METTL4: variants seen among roughly 807,000 people sequenced by gnomAD.
METTL4 encodes the protein N(6)-adenine-specific methyltransferase METTL4.
In METTL4, 40 loss-of-function variants were observed where a neutral mutation model predicts 54.0. The observed-to-expected ratio is 0.74, with a 90% CI of 0.58 to 0.96. The LOEUF is 0.96. METTL4 is among the 50% of genes least tolerant of loss of function. The pLI, the probability that METTL4 is intolerant of heterozygous loss-of-function variation, is 0.00. For missense variants in METTL4, 525 were observed against 549.0 expected (o/e 0.96, Z 0.44); for synonymous variants, 169 against 183.8 (o/e 0.92, Z 0.65).
At chr18:2,540,090 G>T in intron 8 of METTL4, 1 of 977,554 alleles carries the variant, frequency 1.0e-6, no homozygotes, top group Non-Finnish European at 1.2e-6. Flanking sequence ...ATTATTCAAT[G>T]TATTAATAAC....
intron 4 of METTL4, chr18:2,554,410 C>T (rs2072206024): frequency 8.2e-6 from 3 of 364,418 alleles, no homozygotes; most frequent in South Asian, 5.4e-5. Flanking sequence ...AACTGCATAC[C>T]GAATTCCTAA....
intron 2 of METTL4, among the ~76,000 whole-genome samples, chr18:2,564,247 C>CA (rs11457097): frequency 0.52 from 73,671 of 142,278 alleles, 18,708 homozygotes; most frequent in Non-Finnish European, 0.56. Flanking sequence ...ACTAAAAATA[C>CA]AAAAAAAAAA....
chr18:2,552,131 TCCAGTGAGCCAAGATCGCGCCA>T (rs2072171033), intron 5 of METTL4, among the ~76,000 whole-genome samples: 1 of 151,972 alleles, frequency 6.6e-6, no homozygotes, highest in Non-Finnish European at 1.5e-5. Flanking sequence ...AGGCAGAGGT[TCCAGTGAGCCAAGATCGCGCCA>T]CTGCACTCCA....
chr18:2,538,127 T>C lies in METTL4; in HGVS notation c.*873A>G. 2.6e-6 allele frequency: 1 copy of C among 391,384 alleles called. No homozygotes were observed. The highest frequency in any genetic ancestry group is 4.4e-5 in the Admixed American group (1 of 22,566). The allele number at this position is 391,384 out of a possible 1,614,324, so 24.2% of individuals were successfully genotyped here. ...TATGCATTTCAAAGAATCATTTCAG[T>C]CAAAATATTTTACTTGGTAGACAAA... On this transcript the variant is annotated 3_prime_UTR_variant, in exon 9 of 9. Coordinates refer to ENST00000574538, the MANE Select transcript of METTL4 (RefSeq NM_022840.5).
chr18:2,552,224 T>C (rs1239029048), intron 5 of METTL4, among the ~76,000 whole-genome samples: 2 of 136,010 alleles, frequency 1.5e-5, no homozygotes, highest in Non-Finnish European at 3.1e-5. Flanking sequence ...AATAAGGAAT[T>C]GAAAGGAAAA....
chr18:2,539,338 G>C (rs761591500), intron 8 of METTL4, among the ~76,000 whole-genome samples, 193 bp from the exon 9 acceptor site: 1 of 151,966 alleles, frequency 6.6e-6, no homozygotes, highest in Non-Finnish European at 1.5e-5. Flanking sequence ...CTTGAGACTG[G>C]GAACAATATC....
At chr18:2,540,526 T>A in intron 8 of METTL4, 5 of 985,434 alleles carry the variant, frequency 5.1e-6, no homozygotes, top group Non-Finnish European at 6.0e-6. Context: ...TGGTCCTGTT[T>A]AGCAAAAATC....
chr18:2,551,142 C>A (rs1283017074), intron 5 of METTL4, among the ~76,000 whole-genome samples: 1 of 117,002 alleles, frequency 8.5e-6, no homozygotes, highest in East Asian at 2.4e-4. Context: ...CCAGCCTGGG[C>A]GACAGAACGA....
rs958854184 is a variant in METTL4, at chr18:2,571,284, T to C, written c.-574A>G. ...AGCTTTCTCCTTTTCTAAGAGTCCA[T>C]GGGCGCCGCCATGTTGCTGTACGGA... On this transcript the variant is annotated 5_prime_UTR_variant, in exon 1 of 9. It removes an upstream start codon present in the reference 5' UTR. Coordinates refer to ENST00000574538, the MANE Select transcript of METTL4 (RefSeq NM_022840.5). 2.6e-5 allele frequency: 4 copies of C among 152,292 alleles called. No individual in the cohort carries two copies. Among genetic ancestry groups the C allele is most frequent in the African/African-American group, 4.8e-5 (2 of 41,466 alleles). The allele number at this position is 152,292 out of a possible 1,614,324, so 9.4% of individuals were successfully genotyped here.
chr18:2,564,531 T>C (rs577118666), intron 2 of METTL4, among the ~76,000 whole-genome samples: 59 of 152,324 alleles, frequency 3.9e-4, no homozygotes, highest in African/African-American at 1.4e-3. Context: ...AATTCCAATG[T>C]GCTTATGACT....
intron 4 of METTL4, chr18:2,553,053 C>T (rs2072186728): frequency 3.9e-6 from 1 of 253,368 alleles, no homozygotes; most frequent in Admixed American, 5.5e-5. Context: ...TGTGAATTCC[C>T]TATGCGTCTT....
chr18:2,551,713 G>A (rs1460904345), intron 5 of METTL4, among the ~76,000 whole-genome samples: 1 of 151,156 alleles, frequency 6.6e-6, no homozygotes, highest in South Asian at 2.1e-4. Context: ...AAAAAAAGAA[G>A]AAGAAGAAAA....
At chr18:2,547,201 A>G (rs1396211057) in intron 6 of METTL4, among the ~76,000 whole-genome samples, 154 bp downstream of exon 6, 7 of 152,230 alleles carry the variant, frequency 4.6e-5, no homozygotes, top group Non-Finnish European at 1.0e-4. Context: ...CCTTGAGAAT[A>G]AAAATATAAA....
chr18:2,558,487 T>C, intron 3 of METTL4, among the ~76,000 whole-genome samples: 1 of 152,078 alleles, frequency 6.6e-6, no homozygotes, highest in Non-Finnish European at 1.5e-5. Context: ...GAGGGAAACT[T>C]ACAGCTTTAA....
At chr18:2,560,599 C>T (rs970874001) in intron 3 of METTL4, among the ~76,000 whole-genome samples, 19 of 152,134 alleles carry the variant, frequency 1.2e-4, no homozygotes, top group African/African-American at 3.1e-4. Flanking sequence ...CAGTAGAGGC[C>T]GGGCGCAGTG....
chr18:2,567,237 T>C lies in METTL4; in HGVS notation c.-21A>G. ...GACATTCCCTTCCTTTAAAAAAGCC[T>C]CTGGGAATTAGGAACTAGAATGAAA... On this transcript the variant is annotated 5_prime_UTR_variant, in exon 2 of 9. Transcript: ENST00000574538. The C allele has an allele frequency of 1.9e-6, 3 of 1,541,166 alleles. No individual in the cohort carries two copies.
chr18:2,547,048 T>C lies in METTL4; in HGVS notation c.1074+307A>G, dbSNP rs139202857. 3.5e-3 allele frequency among the ~76,000 whole-genome samples: 538 copies of C among 152,214 alleles called. 4 individuals are homozygous for C. Among genetic ancestry groups the C allele is most frequent in the African/African-American group, 0.013 (523 of 41,542 alleles). ...ATTTCTATGTTTGGTGATACACAAT[T>C]CCCCAAAGTTTTTGTTTGTTGTTTT... On this transcript the variant is annotated intron_variant, in intron 6 of 8. Transcript: ENST00000574538.
At chr18:2,539,747 G>A (rs1297085465) in intron 8 of METTL4, 8 of 791,510 alleles carry the variant, frequency 1.0e-5, no homozygotes, top group South Asian at 5.7e-5. Context: ...CTCCCAAAGT[G>A]CTAGGATTAC....
At chr18:2,542,156 C>T in intron 8 of METTL4, among the ~76,000 whole-genome samples, 1 of 152,046 alleles carries the variant, frequency 6.6e-6, no homozygotes, top group East Asian at 1.9e-4. Flanking sequence ...TGAGGAAGAA[C>T]TGCATTTCAA....
Sources: gnomAD v4.1 joint callset for allele counts (sites outside exome capture counted in the v4.1 genomes callset) on GRCh38, gnomAD v4.1.1 for gene constraint, MANE v1.5 for transcripts, NCBI Gene and HGNC (gene_info 2026-07-23, HGNC 2026-07-21) for gene names.